ACBD7: variants seen among roughly 807,000 people sequenced by gnomAD.
ACBD7 encodes the protein acyl-CoA-binding domain-containing protein 7.
ACBD7 carries 11 observed loss-of-function variants against 13.7 expected under a neutral mutation model. That is an observed-to-expected ratio of 0.80 (90% confidence interval 0.50 to 1.33). ACBD7 has a LOEUF of 1.33. Ranked by LOEUF, ACBD7 falls within the 40% of genes most tolerant of loss-of-function variation. The probability of loss-of-function intolerance (pLI) is 0.00; values close to 1 mark genes in which losing one functional copy is unlikely to be tolerated. For missense variants in ACBD7, 111 were observed against 103.0 expected, an observed-to-expected ratio of 1.08 and a Z score of -0.33; for synonymous variants, 43 against 37.7, an observed-to-expected ratio of 1.14 and a Z score of -0.51.
rs1224189532 is a variant in ACBD7 at position 15,078,545 on chromosome 10, T to G, written c.252A>C (p.Glu84Asp). 1.2e-6 allele frequency: 2 copies of G among 1,614,094 alleles called. No individual in the cohort carries two copies. Among genetic ancestry groups the G allele is most frequent in the African/African-American group, 1.3e-5 (1 of 74,942 alleles). Residue 84 changes from glutamate (E) to aspartate (D), a missense_variant, in exon 4 of 4, where the codon GAA becomes GAC. Coordinates refer to ENST00000356189, the MANE Select transcript of ACBD7 (RefSeq NM_001039844.3). ...AYISKAKELI[E>D]KYGI The stretch of plus-strand genomic sequence containing the variant: ...ATGCTGTATTCTAAATTCCGTATTT[T>G]TCTATCAGCTCCTTTGCTTTAGAAA...
rs1183805682 is a variant in ACBD7 at position 15,078,950 on chromosome 10, G to A, written c.103C>T (p.Gln35Ter). 1.9e-6 allele frequency: 3 copies of A among 1,575,788 alleles called. No homozygotes were observed. The highest frequency in any genetic ancestry group is 1.8e-5 in the Admixed American group (1 of 57,026). ...ELKELYGLYK[Q>*]AIVGDINIAC... ...ATATTAATGTCTCCAACTATTGCTTGTTTGTAAAGCCCATAGAGTTCTTTC... is the reference window on the plus strand; with the variant it reads ...ATATTAATGTCTCCAACTATTGCTTATTTGTAAAGCCCATAGAGTTCTTTC... The change falls in exon 2 of 4, where the codon CAA (glutamine) becomes TAA (stop). Residue 35 changes from glutamine (Q) to a stop codon, truncating the protein, a stop_gained. Transcript: ENST00000356189. LOFTEE classifies it high-confidence loss of function.
chr10:15,083,474 G>T (rs1844772732), intron 1 of ACBD7, among the ~76,000 whole-genome samples: 1 of 152,066 alleles, frequency 6.6e-6, no homozygotes, highest in African/African-American at 2.4e-5. Context: ...CTAGGGTTAA[G>T]GATGATTAAG....
intron 1 of ACBD7, among the ~76,000 whole-genome samples, chr10:15,087,767 G>A (rs1844826019): frequency 6.8e-6 from 1 of 147,788 alleles, no homozygotes; most frequent in South Asian, 2.1e-4. Flanking sequence ...GACAGAGTGA[G>A]ACTCCATCTC....
At chr10:15,079,192 G>C (rs1388754962) in intron 1 of ACBD7, 152 bp from the exon 2 acceptor site, 1 of 407,436 alleles carries the variant, frequency 2.5e-6, no homozygotes. Context: ...ATTCCTAGGA[G>C]TTCACCTCTC....
In ACBD7 at chr10:15,076,823, C is replaced by T. The variant is rs1844687619; in HGVS notation, c.*1707G>A. 1 of 985,312 alleles carries T rather than the reference C, an allele frequency of 1.0e-6. No individual in the cohort carries two copies. The highest frequency in any genetic ancestry group is 1.1e-4 in the East Asian group (1 of 8,810). 61.0% of individuals were successfully genotyped at this position (985,312 alleles called of 1,614,324 possible). On this transcript the variant is annotated 3_prime_UTR_variant, in exon 4 of 4. Coordinates refer to ENST00000356189, the MANE Select transcript of ACBD7 (RefSeq NM_001039844.3). ...CAGCCTTGCCATTGATTCTTAATAA[C>T]CTGTTTTTATTTCACCAGTAACATT...
chr10:15,077,767 G>C lies in ACBD7; in HGVS notation c.*763C>G, dbSNP rs1844700459. ...AAGCACCTGTAATCCCAGCTACTCG[G>C]GAGGCTGAGGCAAGAGAATCACTTG... On this transcript the variant is annotated 3_prime_UTR_variant, in exon 4 of 4. Transcript: ENST00000356189. 6.6e-6 allele frequency: 1 copy of C among 152,154 alleles called. No homozygotes were observed. The highest frequency in any genetic ancestry group is 2.4e-5 in the African/African-American group (1 of 41,378). The allele number at this position is 152,154 out of a possible 1,614,324, so 9.4% of individuals were successfully genotyped here.
chr10:15,078,594 G>A lies in ACBD7; in HGVS notation c.203C>T (p.Thr68Met), dbSNP rs756627997. 4.0e-5 allele frequency: 65 copies of A among 1,613,890 alleles called. No homozygotes were observed. Among genetic ancestry groups the A allele is most frequent in the Middle Eastern group, 1.6e-4 (1 of 6,084 alleles). ...EAWNLKKGLS[T>M]EDATSAYISK... Reference sequence around the variant, plus strand: ...AATATAGGCACTCGTCGCATCTTCCGTCGACAACCCTAGAAAGATACAAAC... The same window carrying A: ...AATATAGGCACTCGTCGCATCTTCCATCGACAACCCTAGAAAGATACAAAC... The change falls in exon 4 of 4, where the codon ACG becomes ATG. Residue 68 changes from threonine (T) to methionine (M), a missense_variant. Coordinates refer to ENST00000356189, the MANE Select transcript of ACBD7 (RefSeq NM_001039844.3).
Position 15,076,053 on chromosome 10 carries a change from G to A in ACBD7, c.*2477C>T. On this transcript the variant is annotated 3_prime_UTR_variant, in exon 4 of 4. Coordinates refer to ENST00000356189, the MANE Select transcript of ACBD7 (RefSeq NM_001039844.3). The stretch of plus-strand genomic sequence containing the variant: ...TTATACATGTCACATTTGGGGACTG[G>A]CTTTTTCTGCTCAGCATAATTCCCT... 7.6e-6 allele frequency: 7 copies of A among 924,210 alleles called. No homozygotes were observed. The highest frequency in any genetic ancestry group is 7.7e-6 in the Non-Finnish European group (6 of 774,504). 57.3% of individuals were successfully genotyped at this position (924,210 alleles called of 1,614,324 possible). A position where few individuals can be genotyped will look rare whatever the true frequency, so the allele number is the denominator to read the frequency against.
chr10:15,088,160 C>T (rs1589262871), intron 1 of ACBD7: 1 of 152,690 alleles, frequency 6.5e-6, no homozygotes, highest in Non-Finnish European at 1.5e-5. Flanking sequence ...AAATAACATA[C>T]TAGGACATAC....
rs1314045812 is a variant in ACBD7 at position 15,075,512 on chromosome 10, T to C, written c.*3018A>G. On this transcript the variant is annotated 3_prime_UTR_variant, in exon 4 of 4. Transcript: ENST00000356189. ...CAATTTCCTTTAATGGTAACTGTTA[T>C]GCAAAACTATAGTATAATATCACAA... is the stretch of plus-strand genomic sequence containing the variant. Among the ~76,000 whole-genome samples the C allele has an allele frequency of 6.6e-6, 1 of 152,204 alleles. No homozygotes were observed. The highest frequency in any genetic ancestry group is 6.5e-5 in the Admixed American group (1 of 15,274).
intron 1 of ACBD7, among the ~76,000 whole-genome samples, chr10:15,084,054 G>C (rs550158921): frequency 5.9e-5 from 9 of 152,308 alleles, no homozygotes; most frequent in African/African-American, 4.8e-5. Flanking sequence ...GGGAAGGTAC[G>C]GAACGGAAAA....
intron 1 of ACBD7, chr10:15,088,454 C>T (rs72774385): frequency 1.9e-6 from 1 of 531,430 alleles, no homozygotes. Flanking sequence ...AGGCCCGCTC[C>T]GTGCTCCCCG....
At position 15,088,762 on chromosome 10, in the gene ACBD7, G is replaced by A; in HGVS notation, c.-34C>T. 6.3e-7 allele frequency: 1 copy of A among 1,599,062 alleles called. No individual in the cohort carries two copies. Among genetic ancestry groups the A allele is most frequent in the Non-Finnish European group, 8.5e-7 (1 of 1,175,572 alleles). ...CTGCCGCGTTGTTGCTGCTGCTGTT[G>A]TCGTCCGGTGCTCTGCCCCCTCTCG... On this transcript the variant is annotated 5_prime_UTR_variant, in exon 1 of 4. Transcript: ENST00000356189.
intron 1 of ACBD7, among the ~76,000 whole-genome samples, chr10:15,087,111 T>C (rs998787218): frequency 5.9e-5 from 9 of 151,406 alleles, no homozygotes; most frequent in Non-Finnish European, 1.2e-4. Flanking sequence ...GCCCAGGAGG[T>C]CAAGGCTGCA....
At chr10:15,079,316 C>T (rs1844722513) in intron 1 of ACBD7, among the ~76,000 whole-genome samples, 1 of 144,250 alleles carries the variant, frequency 6.9e-6, no homozygotes, top group Non-Finnish European at 1.5e-5. Flanking sequence ...CTCGCCCAGG[C>T]TGGAGTGCAG....
intron 1 of ACBD7, among the ~76,000 whole-genome samples, chr10:15,083,951 T>C (rs1844778505): frequency 6.6e-6 from 1 of 152,202 alleles, no homozygotes; most frequent in East Asian, 1.9e-4. Flanking sequence ...GCTCATAGCC[T>C]GGTGGGAGAT....
In ACBD7 at chr10:15,075,982, A is replaced by C; in HGVS notation, c.*2548T>G. On this transcript the variant is annotated 3_prime_UTR_variant, in exon 4 of 4. Transcript: ENST00000356189. ...GAGTGACAGCCTGTCTCAACAAAAA[A>C]AAAAAAAAAAAAAAAGAAAAGAAAA... The C allele has an allele frequency of 1.9e-6, 1 of 523,628 alleles. No individual in the cohort carries two copies. Among genetic ancestry groups the C allele is most frequent in the Non-Finnish European group, 2.4e-6 (1 of 410,438 alleles). The allele number at this position is 523,628 out of a possible 1,614,324, so 32.4% of individuals were successfully genotyped here.
chr10:15,075,976 CA>C lies in ACBD7; in HGVS notation c.*2553del, dbSNP rs10541297. ...GTAACAGAGTGACAGCCTGTCTCAACAAAAAAAAAAAAAAAAAAAAAGAAAA... is the reference window on the plus strand; with the variant it reads ...GTAACAGAGTGACAGCCTGTCTCAACAAAAAAAAAAAAAAAAAAAAGAAAA... On this transcript the variant is annotated 3_prime_UTR_variant, in exon 4 of 4. Transcript: ENST00000356189. The C allele has an allele frequency of 0.1, 32,592 of 310,658 alleles. 95 individuals carry two copies. The highest frequency in any genetic ancestry group is 0.12 in the Middle Eastern group (79 of 632). The allele number at this position is 310,658 out of a possible 1,614,324, so 19.2% of individuals were successfully genotyped here. A position where few individuals can be genotyped will look rare whatever the true frequency, so the allele number is the denominator to read the frequency against.
At position 15,078,700 on chromosome 10, in the gene ACBD7, G is replaced by T. The variant is rs549731690; in HGVS notation, c.184C>A (p.Leu62Ile). The T allele has an allele frequency of 6.2e-7, 1 of 1,613,884 alleles. No individual in the cohort carries two copies. Among genetic ancestry groups the T allele is most frequent in the South Asian group, 1.1e-5 (1 of 91,044 alleles). ...TGAAAGACTAAAAAACCTTTTTTGA[G>T]GTTCCATGCTTCCCATTTGGCTTTG... is the stretch of plus-strand genomic sequence containing the variant. ...KGKAKWEAWN[L>I]KKGLSTEDAT... Residue 62 changes from leucine (L) to isoleucine (I), a missense_variant, in exon 3 of 4, where the codon CTC (leucine) becomes ATC (isoleucine). Physicochemically the swap from Leu to Ile is conservative, Grantham distance 5 (BLOSUM62 2). Coordinates refer to ENST00000356189, the MANE Select transcript of ACBD7 (RefSeq NM_001039844.3).
Sources: gnomAD v4.1 joint callset for allele counts (sites outside exome capture counted in the v4.1 genomes callset) on GRCh38, gnomAD v4.1.1 for gene constraint, MANE v1.5 for transcripts, NCBI Gene and HGNC (gene_info 2026-07-23, HGNC 2026-07-21) for gene names.